PDZD2: variants seen among roughly 807,000 people sequenced by gnomAD.
PDZD2 encodes the protein PDZ domain-containing protein 2.
A neutral mutation model predicts 220.7 loss-of-function variants in PDZD2; 90 were observed. The observed-to-expected ratio is 0.41, with a 90% CI of 0.34 to 0.49. PDZD2 has a LOEUF of 0.49. Among genes scored for constraint, PDZD2 ranks in the 20% least tolerant of loss-of-function variants. PDZD2 has a pLI of 0.28. For synonymous variants in PDZD2, 1,375 were observed against 1,450.5 expected, an observed-to-expected ratio of 0.95 and a Z score of 1.18; for missense variants, 3,174 against 3,608.5, an observed-to-expected ratio of 0.88 and a Z score of 3.08.
chr5:31,752,590 T>TCC, intron 1 of PDZD2, among the ~76,000 whole-genome samples: 1 of 145,550 alleles, frequency 6.9e-6, no homozygotes, highest in Non-Finnish European at 1.5e-5. Flanking sequence ...CGTTTTTTTT[T>TCC]CCCCCCCAGA....
At chr5:32,079,073 A>G (rs1431861661) in intron 19 of PDZD2, among the ~76,000 whole-genome samples, 1 of 151,758 alleles carries the variant, frequency 6.6e-6, no homozygotes, top group Non-Finnish European at 1.5e-5. Flanking sequence ...CAGCCTGGCC[A>G]ACATAGTGAA....
Position 32,074,490 on chromosome 5 carries a change from C to G in PDZD2, c.3384C>G (p.Cys1128Trp). 2 of 1,614,110 alleles carry G rather than the reference C, an allele frequency of 1.2e-6. No homozygotes were observed. Among genetic ancestry groups the G allele is most frequent in the Non-Finnish European group, 8.5e-7 (1 of 1,179,930 alleles). ...CAGTGGCCAGGGTAAGCCCCCACTG[C>G]AAGAGATCCGAGGCTGAGGCCAAGC... The part of the protein sequence containing the change: ...HRPVARVSPH[C>W]KRSEAEAKPS... The change falls in exon 18 of 25, where the codon TGC becomes TGG. Residue 1128 changes from cysteine to tryptophan, a missense_variant. Physicochemically the swap from Cys to Trp is radical, Grantham distance 215. Coordinates refer to ENST00000438447, the MANE Select transcript of PDZD2 (RefSeq NM_178140.4).
intron 17 of PDZD2, 101 bp downstream of exon 17, chr5:32,072,418 C>T (rs1487514864): frequency 5.0e-5 from 46 of 918,462 alleles, no homozygotes; most frequent in East Asian, 7.8e-5. Flanking sequence ...GCTACCCTGG[C>T]GCTGTAATAC....
intron 3 of PDZD2, among the ~76,000 whole-genome samples, chr5:31,994,961 T>C (rs958021687): frequency 1.3e-5 from 2 of 152,204 alleles, no homozygotes; most frequent in African/African-American, 4.8e-5. Context: ...GCAAGGAAAC[T>C]GAGACTTTTA....
chr5:31,659,661 G>A (rs561253642), intron 1 of PDZD2, among the ~76,000 whole-genome samples: 15 of 152,154 alleles, frequency 9.9e-5, no homozygotes, highest in Admixed American at 2.0e-4. Flanking sequence ...GTATAGGACT[G>A]CTAAGACTTA....
chr5:32,051,523 G>A (rs1303172344), intron 8 of PDZD2, among the ~76,000 whole-genome samples: 1 of 152,106 alleles, frequency 6.6e-6, no homozygotes, highest in Non-Finnish European at 1.5e-5. Context: ...TTTGGCTTAG[G>A]TAGAATATCT....
intron 2 of PDZD2, among the ~76,000 whole-genome samples, chr5:31,981,299 G>A (rs6888188): frequency 6.6e-6 from 1 of 152,112 alleles, no homozygotes; most frequent in South Asian, 2.1e-4. Context: ...CAAAAATTCA[G>A]AATTATTCTC....
chr5:31,784,954 G>A (rs1164958102), intron 1 of PDZD2, among the ~76,000 whole-genome samples: 1 of 151,994 alleles, frequency 6.6e-6, no homozygotes, highest in African/African-American at 2.4e-5. Flanking sequence ...TCTAGTAGTG[G>A]GGAGTCTTGG....
At chr5:31,741,563 C>T (rs1413313285) in intron 1 of PDZD2, among the ~76,000 whole-genome samples, 1 of 152,106 alleles carries the variant, frequency 6.6e-6, no homozygotes, top group Non-Finnish European at 1.5e-5. Flanking sequence ...TACCAGAGTT[C>T]TCATCCAAAC....
At chr5:31,708,578 G>A (rs1747935338) in intron 1 of PDZD2, among the ~76,000 whole-genome samples, 1 of 152,202 alleles carries the variant, frequency 6.6e-6, no homozygotes, top group South Asian at 2.1e-4. Flanking sequence ...AAGAGGAAAT[G>A]CTATTTCTGA....
At chr5:31,808,277 T>A (rs1319003633) in intron 2 of PDZD2, among the ~76,000 whole-genome samples, 1 of 152,238 alleles carries the variant, frequency 6.6e-6, no homozygotes, top group East Asian at 1.9e-4. Flanking sequence ...CTCAGCTTGC[T>A]GTTTAAAAAG....
At chr5:31,643,603 T>C (rs1309130264) in intron 1 of PDZD2, among the ~76,000 whole-genome samples, 2 of 152,178 alleles carry the variant, frequency 1.3e-5, no homozygotes, top group Admixed American at 6.5e-5. Flanking sequence ...TCTGGGGAAC[T>C]CTTGTCTTTC....
intron 19 of PDZD2, among the ~76,000 whole-genome samples, chr5:32,086,205 C>T (rs1403677632): frequency 6.6e-6 from 1 of 152,184 alleles, no homozygotes; most frequent in Non-Finnish European, 1.5e-5. Context: ...TTGAGCTCGG[C>T]ACTTGGACTG....
chr5:31,765,919 C>T (rs556511909), intron 1 of PDZD2, among the ~76,000 whole-genome samples: 13 of 152,288 alleles, frequency 8.5e-5, no homozygotes, highest in Admixed American at 4.6e-4. Context: ...TGCTTGTAAT[C>T]CTAGCACTTT....
At chr5:31,930,920 G>A (rs13187820) in intron 2 of PDZD2, among the ~76,000 whole-genome samples, 21,802 of 151,364 alleles carry the variant, frequency 0.14, 1,622 homozygotes, top group South Asian at 0.24. Context: ...GTGGAGGGGA[G>A]AGAGGAGCCA....
At chr5:32,079,938 G>A (rs1326351432) in intron 19 of PDZD2, among the ~76,000 whole-genome samples, 1 of 152,192 alleles carries the variant, frequency 6.6e-6, no homozygotes, top group Non-Finnish European at 1.5e-5. Context: ...CTTTGTTAGT[G>A]ATGAGGCTGT....
chr5:31,980,265 C>A (rs1488771643), intron 2 of PDZD2, among the ~76,000 whole-genome samples: 3 of 152,168 alleles, frequency 2.0e-5, no homozygotes, highest in African/African-American at 7.2e-5. Flanking sequence ...TTTGCCTGTT[C>A]TGGACATGTC....
intron 2 of PDZD2, chr5:31,840,395 A>ATT (rs1757196555): frequency 1.2e-5 from 1 of 82,416 alleles, no homozygotes; most frequent in South Asian, 4.2e-4. Flanking sequence ...AGTCATTTTC[A>ATT]TTATATATAT....
chr5:31,777,909 T>A (rs2150205829), intron 1 of PDZD2, among the ~76,000 whole-genome samples: 1 of 152,326 alleles, frequency 6.6e-6, no homozygotes, highest in East Asian at 1.9e-4. Flanking sequence ...TAAAGGTTTA[T>A]AAACACACCA....
Sources: allele counts gnomAD v4.1 joint callset (sites outside exome capture counted in the v4.1 genomes callset), GRCh38; gene constraint gnomAD v4.1.1; transcripts MANE v1.5; gene names NCBI Gene and HGNC (gene_info 2026-07-23, HGNC 2026-07-21).